SORCS2: variants seen among roughly 807,000 people sequenced by gnomAD.
The protein encoded by SORCS2 is VPS10 domain-containing receptor SorCS2.
SORCS2 carries 100 observed loss-of-function variants against 141.6 expected under a neutral mutation model. That is an observed-to-expected ratio of 0.71 (90% CI 0.60 to 0.83). SORCS2 has a LOEUF of 0.83. Ranked by LOEUF, SORCS2 falls within the 40% of genes least tolerant of loss-of-function variation. SORCS2 has a pLI of 0.00. For missense variants in SORCS2, 1,646 were observed against 1,560.2 expected (o/e 1.05, Z -0.93); for synonymous variants, 789 against 676.9 (o/e 1.17, Z -2.57).
chr4:7,610,736 T>A (rs1718352398), intron 3 of SORCS2, among the ~76,000 whole-genome samples: 1 of 152,118 alleles, frequency 6.6e-6, no homozygotes, highest in Non-Finnish European at 1.5e-5. Context: ...GCAATTGATC[T>A]AACAAAGGGG....
At chr4:7,395,663 G>GC (rs397806034) in intron 1 of SORCS2, among the ~76,000 whole-genome samples, 6 of 151,462 alleles carry the variant, frequency 4.0e-5, no homozygotes, top group African/African-American at 1.5e-4. Flanking sequence ...GGTCAGGTGG[G>GC]CCCCGTGTGT....
chr4:7,426,487 G>A, intron 2 of SORCS2, among the ~76,000 whole-genome samples: 1 of 152,198 alleles, frequency 6.6e-6, no homozygotes, highest in East Asian at 1.9e-4. Context: ...ACTTCGGGAG[G>A]CTGAAGCAGG....
intron 1 of SORCS2, among the ~76,000 whole-genome samples, chr4:7,315,049 T>A (rs1460989374): frequency 1.3e-5 from 2 of 151,972 alleles, no homozygotes; most frequent in Non-Finnish European, 1.5e-5. Flanking sequence ...GCCAGGCTGG[T>A]CTCGAACTCC....
intron 2 of SORCS2, among the ~76,000 whole-genome samples, chr4:7,518,697 C>T (rs1020357976): frequency 6.6e-6 from 1 of 152,154 alleles, no homozygotes; most frequent in South Asian, 2.1e-4. Flanking sequence ...GTGTGTCCTT[C>T]CTGACCAAGT....
intron 1 of SORCS2, among the ~76,000 whole-genome samples, chr4:7,282,555 A>G (rs1174107720): frequency 6.6e-6 from 1 of 152,218 alleles, no homozygotes; most frequent in Non-Finnish European, 1.5e-5. Flanking sequence ...AAAGCAGCCT[A>G]GATCTGAGAA....
At chr4:7,248,458 A>G (rs1422206109) in intron 1 of SORCS2, among the ~76,000 whole-genome samples, 1 of 152,192 alleles carries the variant, frequency 6.6e-6, no homozygotes, top group Non-Finnish European at 1.5e-5. Context: ...TGTAATAAAG[A>G]AGATGATGAC....
At chr4:7,373,006 G>GTTTTT (rs56090778) in intron 1 of SORCS2, among the ~76,000 whole-genome samples, 12 of 138,162 alleles carry the variant, frequency 8.7e-5, no homozygotes, top group Non-Finnish European at 1.2e-4. Flanking sequence ...GGTGGTTTCT[G>GTTTTT]TTTTTTTTTT....
intron 2 of SORCS2, among the ~76,000 whole-genome samples, chr4:7,507,043 T>C (rs1333791898): frequency 2.0e-5 from 3 of 152,018 alleles, no homozygotes; most frequent in Non-Finnish European, 4.4e-5. Flanking sequence ...TGGCAGGAGG[T>C]TGTGACTGTT....
chr4:7,673,127 G>A (rs774084003), intron 8 of SORCS2, among the ~76,000 whole-genome samples: 1 of 152,150 alleles, frequency 6.6e-6, no homozygotes, highest in Non-Finnish European at 1.5e-5. Flanking sequence ...AAAATTGCCT[G>A]TTATTTATAA....
At chr4:7,300,382 C>T (rs547745034) in intron 1 of SORCS2, among the ~76,000 whole-genome samples, 2 of 152,212 alleles carry the variant, frequency 1.3e-5, no homozygotes, top group African/African-American at 2.4e-5. Context: ...GAAGGACTTC[C>T]GTGAACTCAC....
At chr4:7,499,999 G>T (rs1417803691) in intron 2 of SORCS2, among the ~76,000 whole-genome samples, 1 of 152,132 alleles carries the variant, frequency 6.6e-6, no homozygotes, top group Non-Finnish European at 1.5e-5. Flanking sequence ...TCCATTCACT[G>T]GGCATTCGTG....
At chr4:7,376,063 A>C (rs1342275578) in intron 1 of SORCS2, among the ~76,000 whole-genome samples, 5 of 152,248 alleles carry the variant, frequency 3.3e-5, no homozygotes, top group Admixed American at 3.3e-4. Context: ...AATCCAATGC[A>C]GGCAGGTCTG....
chr4:7,405,236 A>G (rs745962173), intron 2 of SORCS2, among the ~76,000 whole-genome samples: 9 of 152,162 alleles, frequency 5.9e-5, no homozygotes, highest in Non-Finnish European at 8.8e-5. Context: ...TAACAGTACC[A>G]TGCTGTTTTA....
intron 3 of SORCS2, among the ~76,000 whole-genome samples, chr4:7,611,552 G>T (rs1434170122): frequency 3.3e-5 from 5 of 152,146 alleles, no homozygotes; most frequent in Non-Finnish European, 7.4e-5. Context: ...CAAGGTGTCA[G>T]CCTTCAGGGC....
chr4:7,543,931 C>CCCAT (rs1170155427), intron 3 of SORCS2, among the ~76,000 whole-genome samples: 7 of 41,956 alleles, frequency 1.7e-4, no homozygotes, highest in African/African-American at 6.3e-4. Flanking sequence ...CACCCATCCA[C>CCCAT]CCATCCACCC....
At chr4:7,455,697 T>G (rs1465533602) in intron 2 of SORCS2, among the ~76,000 whole-genome samples, 7 of 121,654 alleles carry the variant, frequency 5.8e-5, no homozygotes, top group African/African-American at 6.4e-5. Flanking sequence ...GTGCTGTGTT[T>G]GGGTCAGGAG....
In SORCS2 at chr4:7,633,794, G is replaced by GGA. The variant is rs1389184744; in HGVS notation, c.649-4534_649-4533insGA. Among the ~76,000 whole-genome samples the GGA allele has an allele frequency of 1.9e-4, 11 of 59,390 alleles. 1 individual carries two copies. The highest frequency in any genetic ancestry group is 2.5e-4 in the Non-Finnish European group (5 of 19,828). 39.0% of individuals were successfully genotyped at this position (59,390 alleles called of 152,430 possible). On this transcript the variant is annotated intron_variant, in intron 3 of 26. Coordinates refer to ENST00000507866, the MANE Select transcript of SORCS2 (RefSeq NM_020777.3). ...CATTCCTGCATGCGCTCCTTCATGTGTCCGTCAGGCGGGATTAACGGCCAG... is the reference window on the plus strand; with the variant it reads ...CATTCCTGCATGCGCTCCTTCATGTGGATCCGTCAGGCGGGATTAACGGCCAG...
At chr4:7,703,243 C>G (rs371717587) in intron 12 of SORCS2, 37 bp from the exon 13 acceptor site, 3 of 1,557,308 alleles carry the variant, frequency 1.9e-6, no homozygotes, top group Non-Finnish European at 8.7e-7. Context: ...CCGACCTTCT[C>G]AGGCCCTGCC....
intron 3 of SORCS2, among the ~76,000 whole-genome samples, chr4:7,564,828 G>T (rs892151138): frequency 1.3e-5 from 2 of 152,176 alleles, no homozygotes; most frequent in Non-Finnish European, 2.9e-5. Context: ...AGAAGCAAAT[G>T]GTCCCAATAA....
Sources: gnomAD v4.1 joint callset for allele counts (sites outside exome capture counted in the v4.1 genomes callset) on GRCh38, gnomAD v4.1.1 for gene constraint, MANE v1.5 for transcripts, NCBI Gene and HGNC (gene_info 2026-07-23, HGNC 2026-07-21) for gene names.